The following AHCY variants were observed in gnomAD, a reference collection of about 807,000 sequenced individuals.
The protein encoded by AHCY is adenosylhomocysteinase.
Under a neutral mutation model 45.4 loss-of-function variants are expected in AHCY, and 24 were observed. The observed-to-expected ratio is 0.53, with a 90% CI of 0.38 to 0.74. The LOEUF (loss-of-function observed/expected upper bound fraction) is 0.74, where lower values mean the gene tolerates loss of function less well. Ranked by LOEUF, AHCY falls within the 30% of genes least tolerant of loss-of-function variation. The probability of loss-of-function intolerance (pLI) is 0.00; values close to 1 mark genes in which losing one functional copy is unlikely to be tolerated. For synonymous variants in AHCY, 245 were observed against 235.1 expected, an observed-to-expected ratio of 1.04 and a Z score of -0.39; for missense variants, 449 against 594.1, an observed-to-expected ratio of 0.76 and a Z score of 2.54.
chr20:34,298,614 G>T (rs866253369), intron 1 of AHCY, among the ~76,000 whole-genome samples: 1 of 148,852 alleles, frequency 6.7e-6, no homozygotes, highest in Non-Finnish European at 1.5e-5. Context: ...GCGGGAGGGG[G>T]GGGGGTGTCT....
chr20:34,268,841 C>A, the AHCY span: 1 of 933,008 alleles, frequency 1.1e-6, no homozygotes. Flanking sequence ...GTGAGGGAAT[C>A]TGACTGGGGG....
At chr20:34,292,268 G>A in intron 4 of AHCY, 90 bp downstream of exon 4, 1 of 1,475,556 alleles carries the variant, frequency 6.8e-7, no homozygotes, top group South Asian at 1.2e-5. Context: ...TTGAGGTGAT[G>A]GGAGTCCTGC....
the AHCY span, among the ~76,000 whole-genome samples, chr20:34,252,624 G>A: frequency 6.6e-6 from 1 of 152,188 alleles, no homozygotes; most frequent in East Asian, 1.9e-4. Flanking sequence ...GCAGGAGACA[G>A]ATGCCTTCCT....
chr20:34,232,542 C>T, the AHCY span, among the ~76,000 whole-genome samples: 1 of 152,078 alleles, frequency 6.6e-6, no homozygotes, highest in Admixed American at 6.6e-5. Context: ...CCTCAGAGTA[C>T]CAGATTCAAC....
upstream of AHCY, among the ~76,000 whole-genome samples, chr20:34,304,939 C>T (rs13036959): frequency 3.3e-5 from 5 of 151,774 alleles, no homozygotes; most frequent in Admixed American, 3.3e-4. Context: ...CCGCCAGCCT[C>T]TGCCTCCCAA....
chr20:34,252,057 A>G, the AHCY span, among the ~76,000 whole-genome samples: 1 of 152,252 alleles, frequency 6.6e-6, no homozygotes, highest in South Asian at 2.1e-4. Flanking sequence ...ATTTTTGTCA[A>G]GTTTCCACTC....
the AHCY span, among the ~76,000 whole-genome samples, chr20:34,271,362 T>C: frequency 6.6e-6 from 1 of 152,208 alleles, no homozygotes; most frequent in African/African-American, 2.4e-5. Flanking sequence ...CTCAGAGTTA[T>C]GGTTTGATTG....
At chr20:34,246,940 T>A in the AHCY span, among the ~76,000 whole-genome samples, 1 of 152,152 alleles carries the variant, frequency 6.6e-6, no homozygotes, top group African/African-American at 2.4e-5. Flanking sequence ...TAACATTTTA[T>A]GTTTTTAGTT....
chr20:34,295,481 G>A lies in AHCY; in HGVS notation c.133C>T (p.Leu45=). 1 of 1,614,126 alleles carries A rather than the reference G, an allele frequency of 6.2e-7. No individual in the cohort carries two copies. Among genetic ancestry groups the A allele is most frequent in the Non-Finnish European group, 8.5e-7 (1 of 1,180,038 alleles). ...MRERYSASKP[L]KGARIAGCLH... ...CAGCCAGCGATGCGGGCGCCCTTCAGTGGCTTGGAGGCCGAGTACCGCTCC... is the reference window on the plus strand; with the variant it reads ...CAGCCAGCGATGCGGGCGCCCTTCAATGGCTTGGAGGCCGAGTACCGCTCC... The change falls in exon 2 of 10, where the codon CTG becomes TTG. Residue 45 remains leucine, a synonymous_variant. Transcript: ENST00000217426.
chr20:34,286,054 G>A (rs1313270069), intron 8 of AHCY: 8 of 276,104 alleles, frequency 2.9e-5, no homozygotes, highest in East Asian at 9.8e-5. Flanking sequence ...GCAGCGAGCC[G>A]AGATCGCACC....
chr20:34,241,014 A>G, the AHCY span, among the ~76,000 whole-genome samples: 1 of 152,216 alleles, frequency 6.6e-6, no homozygotes, highest in Non-Finnish European at 1.5e-5. Context: ...ATCTCAGAGC[A>G]ACACGCCTTG....
At chr20:34,240,262 T>G in the AHCY span, among the ~76,000 whole-genome samples, 1 of 152,200 alleles carries the variant, frequency 6.6e-6, no homozygotes, top group Non-Finnish European at 1.5e-5. Context: ...AAACTAGTCT[T>G]GGGGTTACAG....
intron 9 of AHCY, 89 bp downstream of exon 9, chr20:34,285,351 C>T (rs2036137435): frequency 6.8e-7 from 1 of 1,470,724 alleles, no homozygotes; most frequent in African/African-American, 1.4e-5. Flanking sequence ...GGCAGACAGG[C>T]AAGCACTTTA....
At chr20:34,277,453 G>A (rs746991723), downstream of AHCY, among the ~76,000 whole-genome samples, 8 of 151,966 alleles carry the variant, frequency 5.3e-5, no homozygotes, top group Non-Finnish European at 1.0e-4. Flanking sequence ...CCACCACCTG[G>A]TGTCTCATAC....
chr20:34,255,473 G>A, the AHCY span, among the ~76,000 whole-genome samples: 8 of 152,082 alleles, frequency 5.3e-5, no homozygotes, highest in Non-Finnish European at 1.2e-4. Context: ...GGCAAGCCAC[G>A]CAGGTGCCAA....
chr20:34,260,504 C>T, the AHCY span: 4 of 1,613,644 alleles, frequency 2.5e-6, no homozygotes, highest in South Asian at 1.1e-5. Context: ...CTCTGTGAAC[C>T]TACTGGATGT....
chr20:34,245,132 G>A, the AHCY span, among the ~76,000 whole-genome samples: 2 of 151,898 alleles, frequency 1.3e-5, no homozygotes, highest in Non-Finnish European at 2.9e-5. Context: ...TCAGGAGTTC[G>A]AGACCAGCCT....
chr20:34,283,937 C>G (rs2036085394), intron 9 of AHCY, among the ~76,000 whole-genome samples: 1 of 152,214 alleles, frequency 6.6e-6, no homozygotes, highest in Non-Finnish European at 1.5e-5. Context: ...AAGAGCTACT[C>G]TTACCATTTA....
At chr20:34,269,045 T>C in the AHCY span, 1 of 1,604,812 alleles carries the variant, frequency 6.2e-7, no homozygotes, top group Non-Finnish European at 8.5e-7. Flanking sequence ...ATCTGCGCCC[T>C]GCGTGGCCAC....
Sources: allele counts gnomAD v4.1 joint callset (sites outside exome capture counted in the v4.1 genomes callset), GRCh38; gene constraint gnomAD v4.1.1; transcripts MANE v1.5; gene names NCBI Gene and HGNC (gene_info 2026-07-23, HGNC 2026-07-21).